The following KIF26A variants were observed in gnomAD, a reference collection of about 807,000 sequenced individuals.
KIF26A encodes the protein kinesin-like protein KIF26A.
Under a neutral mutation model 126.0 loss-of-function variants are expected in KIF26A, and 74 were observed. The observed-to-expected ratio is 0.59, with a 90% CI of 0.49 to 0.71. The LOEUF (loss-of-function observed/expected upper bound fraction) is 0.71. KIF26A is among the 30% of genes least tolerant of loss of function. The pLI is 0.00. For missense variants in KIF26A, 2,984 were observed against 2,763.3 expected (o/e 1.08, Z -1.79); for synonymous variants, 1,445 against 1,232.7 (o/e 1.17, Z -3.61).
In KIF26A at chr14:104,173,431, C is replaced by T. The variant is rs749215151; in HGVS notation, c.1785C>T (p.Gly595=). 121 of 1,584,174 alleles carry T rather than the reference C, an allele frequency of 7.6e-5. No individual in the cohort carries two copies. Among genetic ancestry groups the T allele is most frequent in the Middle Eastern group, 3.3e-4 (2 of 6,050 alleles). ...AARSTSRAGC[G]EDARRSSHML... ...GCAGCACCAGCCGAGCGGGCTGTGG[C>T]GAGGACGCCCGACGCAGCTCCCACA... The change falls in exon 9 of 15, where the codon GGC becomes GGT. Residue 595 remains glycine, a synonymous_variant. Coordinates refer to ENST00000423312, the MANE Select transcript of KIF26A (RefSeq NM_015656.2).
chr14:104,175,591 G>C lies in KIF26A; in HGVS notation c.2803G>C (p.Val935Leu), dbSNP rs774493345. The change falls in exon 12 of 15, where the codon GTC becomes CTC. Residue 935 changes from valine to leucine, a missense_variant. Physicochemically the swap from Val to Leu is conservative, Grantham distance 32. Transcript: ENST00000423312. The stretch of plus-strand genomic sequence containing the variant: ...CAGCAGCGCTTGGCCTGAGCTGCTG[G>C]TCCCGGAAAAGGCTGCAGTGAGTGG... ...EDSSAWPELL[V>L]PEKAAVSGGR... 6.2e-7 allele frequency: 1 copy of C among 1,609,800 alleles called. No individual in the cohort carries two copies.
chr14:104,150,384 C>A (rs933252532), intron 2 of KIF26A, among the ~76,000 whole-genome samples: 2 of 151,902 alleles, frequency 1.3e-5, no homozygotes, highest in African/African-American at 4.8e-5. Flanking sequence ...TGGAGTGGCC[C>A]ATAAATCAGG....
In KIF26A at chr14:104,173,326, G is replaced by C. The variant is rs777268685; in HGVS notation, c.1684-4G>C. 1.6e-5 allele frequency: 25 copies of C among 1,605,896 alleles called. No individual in the cohort carries two copies. Among genetic ancestry groups the C allele is most frequent in the Admixed American group, 3.4e-5 (2 of 59,488 alleles). ...AGACGCCGCTGCCTCTGCCTTTCCT[G>C]CAGCTCCAGAACCAAAGCGAGCTGC... On this transcript the variant is annotated splice_region_variant and splice_polypyrimidine_tract_variant and intron_variant, in intron 8 of 14. Transcript: ENST00000423312.
intron 1 of KIF26A, 58 bp from the exon 2 acceptor site, chr14:104,138,985 G>T (rs986591965): frequency 7.6e-7 from 1 of 1,321,906 alleles, no homozygotes; most frequent in East Asian, 3.1e-5. Flanking sequence ...GCGCGCAGGG[G>T]TCTGGATCCG....
At chr14:104,179,102 G>T in intron 13 of KIF26A, 134 bp from the exon 14 acceptor site, 1 of 1,091,788 alleles carries the variant, frequency 9.2e-7, no homozygotes, top group South Asian at 1.9e-5. Context: ...TCCGCCCCCT[G>T]CCCGCCCTTG....
At chr14:104,139,343 G>T (rs2037614800) in intron 2 of KIF26A, 55 bp downstream of exon 2, 8 of 1,381,212 alleles carry the variant, frequency 5.8e-6, no homozygotes, top group Non-Finnish European at 7.5e-6. Context: ...CCGAACTTGG[G>T]TAGAACTTGG....
chr14:104,178,787 C>T, intron 13 of KIF26A, 32 bp downstream of exon 13: 1 of 1,275,108 alleles, frequency 7.8e-7, no homozygotes, highest in East Asian at 2.6e-5. Flanking sequence ...GGTCTATGAC[C>T]CCTGGTGGGG....
At chr14:104,139,544 G>C (rs557255416) in intron 2 of KIF26A, among the ~76,000 whole-genome samples, 32 of 152,318 alleles carry the variant, frequency 2.1e-4, no homozygotes, top group African/African-American at 6.3e-4. Context: ...CCCCAGCCCA[G>C]ATGTCCCACA....
Position 104,148,444 on chromosome 14 carries a change from G to A in KIF26A, c.289-3571G>A, listed in dbSNP as rs1228967935. On this transcript the variant is annotated intron_variant, in intron 2 of 14. Coordinates refer to ENST00000423312, the MANE Select transcript of KIF26A (RefSeq NM_015656.2). The surrounding 1 kb of genome is among the most constrained non-coding windows in gnomAD (Gnocchi z 4.3). Reference sequence around the variant, plus strand: ...CCAGGCTGTGGAGGCCTGGGTGACAGGCGGGCCTGCTGGCTGGGGCTTTGA... The same window carrying A: ...CCAGGCTGTGGAGGCCTGGGTGACAAGCGGGCCTGCTGGCTGGGGCTTTGA... Among the ~76,000 whole-genome samples the A allele has an allele frequency of 6.6e-6, 1 of 152,188 alleles. No individual in the cohort carries two copies. The highest frequency in any genetic ancestry group is 1.5e-5 in the Non-Finnish European group (1 of 68,042).
Position 104,163,066 on chromosome 14 carries a change from G to A in KIF26A, c.924-3793G>A, listed in dbSNP as rs533150480. ...GCTTCTTCCCTTGCAGGCAGCTGGC[G>A]GGAAGCTGAGGTGTAACCCAAGGTC... On this transcript the variant is annotated intron_variant, in intron 4 of 14. Coordinates refer to ENST00000423312, the MANE Select transcript of KIF26A (RefSeq NM_015656.2). 1.7e-4 allele frequency among the ~76,000 whole-genome samples: 26 copies of A among 152,322 alleles called. 1 individual carries two copies. The highest frequency in any genetic ancestry group is 3.4e-3 in the Middle Eastern group (1 of 294).
In KIF26A at chr14:104,173,069, G is replaced by A. The variant is rs1382773306; in HGVS notation, c.1513G>A (p.Glu505Lys). ...AISWLFRLIE[E>K]RRERTGTRFS... ...CTCCTGGCTCTTCAGGCTCATCGAG[G>A]AGCGCAGGGAGAGGACGGGCACCCG... Residue 505 changes from glutamate (E) to lysine (K), a missense_variant, in exon 8 of 15, where the codon GAG (glutamate) becomes AAG (lysine). Physicochemically the swap from Glu to Lys is moderately conservative, Grantham distance 56. Transcript: ENST00000423312. 1 of 1,605,398 alleles carries A rather than the reference G, an allele frequency of 6.2e-7. No homozygotes were observed.
Position 104,174,390 on chromosome 14 carries a change from G to A in KIF26A, c.2193+80G>A, listed in dbSNP as rs1352748165. 2.2e-6 allele frequency: 3 copies of A among 1,362,956 alleles called. No individual in the cohort carries two copies. The East Asian group carries it at 8.3e-5, about 38-fold the overall frequency. The allele number at this position is 1,362,956 out of a possible 1,614,324, so 84.4% of individuals were successfully genotyped here. ...ACTGCAGGCCTCTGCTGGCCTGGTTGGGGTGGGGGTCAGCAGGTGGCCTGG... is the reference window on the plus strand; with the variant it reads ...ACTGCAGGCCTCTGCTGGCCTGGTTAGGGTGGGGGTCAGCAGGTGGCCTGG... On this transcript the variant is annotated intron_variant, in intron 11 of 14. Transcript: ENST00000423312.
At position 104,176,391 on chromosome 14, in the gene KIF26A, C is replaced by T. The variant is rs369217649; in HGVS notation, c.3603C>T (p.Ser1201=). The change falls in exon 12 of 15, where the codon TCC becomes TCT. Residue 1201 remains serine, a synonymous_variant. Transcript: ENST00000423312. ...AGGCCGGGCCCTCGCGGTGGGCATCCGCAGCCCAGACCATCCACTCCAGCC... is the reference window on the plus strand; with the variant it reads ...AGGCCGGGCCCTCGCGGTGGGCATCTGCAGCCCAGACCATCCACTCCAGCC... ...EPQAGPSRWA[S]AAQTIHSSLP... is the part of the protein sequence containing the mutation. 3.1e-5 allele frequency: 50 copies of T among 1,587,808 alleles called. No individual in the cohort carries two copies. Among genetic ancestry groups the T allele is most frequent in the African/African-American group, 1.7e-4 (13 of 74,376 alleles).
intron 13 of KIF26A, among the ~76,000 whole-genome samples, 167 bp from the exon 14 acceptor site, chr14:104,179,069 G>A (rs879800271): frequency 1.2e-4 from 19 of 152,264 alleles, no homozygotes; most frequent in East Asian, 1.2e-3. Flanking sequence ...GGACCCAGAC[G>A]GGCATGGGTG....
At position 104,166,971 on chromosome 14, in the gene KIF26A, C is replaced by A. The variant is rs2037911704; in HGVS notation, c.1036C>A (p.Leu346Met). 2.5e-6 allele frequency: 4 copies of A among 1,587,468 alleles called. No homozygotes were observed. In the East Asian group the frequency reaches 9.2e-5, roughly 36 times the overall value. ...CACCGACTTCAGCGGGGTCCTGCAGCTGTGGCCGCCCCCGGCGCCCCCCTG... is the reference window on the plus strand; with the variant it reads ...CACCGACTTCAGCGGGGTCCTGCAGATGTGGCCGCCCCCGGCGCCCCCCTG... ...YPTDFSGVLQ[L>M]WPPPAPPCLL... The change falls in exon 5 of 15, where the codon CTG (leucine) becomes ATG (methionine). Residue 346 changes from leucine (L) to methionine (M), a missense_variant. Physicochemically the swap from Leu to Met is conservative, Grantham distance 15. Coordinates refer to ENST00000423312, the MANE Select transcript of KIF26A (RefSeq NM_015656.2).
intron 4 of KIF26A, among the ~76,000 whole-genome samples, chr14:104,163,511 C>T (rs954293661): frequency 6.6e-6 from 1 of 151,940 alleles, no homozygotes. Context: ...GGCTTAGGCA[C>T]GGTATTGGGT....
In KIF26A at chr14:104,177,237, C is replaced by T. The variant is rs199984866; in HGVS notation, c.4449C>T (p.Gly1483=). 3.4e-5 allele frequency: 55 copies of T among 1,596,712 alleles called. No individual in the cohort carries two copies. The highest frequency in any genetic ancestry group is 9.0e-5 in the East Asian group (4 of 44,578). The change falls in exon 12 of 15, where the codon GGC becomes GGT. Residue 1483 remains glycine (G), a synonymous_variant. Coordinates refer to ENST00000423312, the MANE Select transcript of KIF26A (RefSeq NM_015656.2). ...THGPAPACRS[G]AAKAVGAPKP... ...GTCCAGCTCCCGCCTGTAGGAGCGG[C>T]GCAGCCAAGGCTGTGGGGGCCCCCA...
In KIF26A at chr14:104,175,467, G is replaced by T; in HGVS notation, c.2679G>T (p.Pro893=). 1 of 1,592,090 alleles carries T rather than the reference G, an allele frequency of 6.3e-7. No individual in the cohort carries two copies. Among genetic ancestry groups the T allele is most frequent in the African/African-American group, 1.3e-5 (1 of 74,878 alleles). Reference sequence around the variant, plus strand: ...CCCCCAGGAAGGCCGTGGGCACCCCGATGGCTGCCAGCACCCCTCGAGGCA... The same window carrying T: ...CCCCCAGGAAGGCCGTGGGCACCCCTATGGCTGCCAGCACCCCTCGAGGCA... ...AASPRKAVGT[P]MAASTPRGSS... is the part of the protein sequence containing the mutation. The change falls in exon 12 of 15, where the codon CCG becomes CCT. Residue 893 remains proline (P), a synonymous_variant. Coordinates refer to ENST00000423312, the MANE Select transcript of KIF26A (RefSeq NM_015656.2).
intron 3 of KIF26A, among the ~76,000 whole-genome samples, chr14:104,154,385 T>C (rs1260560555): frequency 6.6e-6 from 1 of 151,984 alleles, no homozygotes; most frequent in Non-Finnish European, 1.5e-5. Context: ...GGCTGGTCCT[T>C]GGAGGGGTGG....
Sources: gnomAD v4.1 joint callset for allele counts (sites outside exome capture counted in the v4.1 genomes callset) on GRCh38, gnomAD v4.1.1 for gene constraint, Gnocchi (gnomAD v3.1) non-coding constraint, MANE v1.5 for transcripts, NCBI Gene and HGNC (gene_info 2026-07-23, HGNC 2026-07-21) for gene names.